ACACB: variants seen among roughly 807,000 people sequenced by gnomAD.
ACACB encodes acetyl-CoA carboxylase 2.
A neutral mutation model predicts 278.8 loss-of-function variants in ACACB; 209 were observed. The observed-to-expected ratio is 0.75, with a 90% CI of 0.67 to 0.84. The LOEUF (loss-of-function observed/expected upper bound fraction) is 0.84, where lower values mean the gene tolerates loss of function less well. ACACB is among the 40% of genes least tolerant of loss of function. ACACB has a pLI of 0.00. For synonymous variants in ACACB, 1,174 were observed against 1,285.6 expected (o/e 0.91, Z 1.86); for missense variants, 2,850 against 3,269.0 (o/e 0.87, Z 3.13).
intron 20 of ACACB, among the ~76,000 whole-genome samples, chr12:109,208,128 T>C (rs1228635956): frequency 6.6e-6 from 1 of 152,136 alleles, no homozygotes; most frequent in Admixed American, 6.6e-5. Context: ...GAGGCAAAGA[T>C]GAGATCTGAA....
In ACACB at chr12:109,262,475, G is replaced by A. The variant is rs189077002; in HGVS notation, c.6787+6G>A. The A allele has an allele frequency of 1.9e-4, 300 of 1,607,990 alleles. 1 individual carries two copies. The East Asian group carries it at 6.0e-3, about 32-fold the overall frequency. The stretch of plus-strand genomic sequence containing the variant: ...GAAGCTCATGGAACAGCTAGGTAAG[G>A]GGGTCCCAAAGGCTTCACCTCTCAG... On this transcript the variant is annotated splice_donor_region_variant and intron_variant, in intron 49 of 52. Coordinates refer to ENST00000338432, the MANE Select transcript of ACACB (RefSeq NM_001093.4).
Position 109,262,391 on chromosome 12 carries a change from A to T in ACACB, c.6709A>T (p.Ile2237Phe). ...GVLEPEGTVE[I>F]KFRKKDLIKS... is the part of the protein sequence containing the mutation. ...TCTGGAACCAGAGGGGACAGTGGAG[A>T]TTAAGTTCCGAAAGAAAGATCTGAT... Residue 2237 changes from isoleucine to phenylalanine, a missense_variant, in exon 49 of 53, where the codon ATT (isoleucine) becomes TTT (phenylalanine). By Grantham distance (21) the Ile-to-Phe change is conservative. Transcript: ENST00000338432. The T allele has an allele frequency of 6.2e-7, 1 of 1,613,434 alleles. No homozygotes were observed. The highest frequency in any genetic ancestry group is 8.5e-7 in the Non-Finnish European group (1 of 1,179,734).
At chr12:109,209,057 T>G in intron 20 of ACACB, 108 bp from the exon 21 acceptor site, 1 of 1,277,170 alleles carries the variant, frequency 7.8e-7, no homozygotes, top group Non-Finnish European at 1.1e-6. Flanking sequence ...TTCAGCCACT[T>G]GAGTGCATGG....
intron 46 of ACACB, among the ~76,000 whole-genome samples, chr12:109,258,675 G>A (rs1235502827): frequency 1.3e-5 from 2 of 152,230 alleles, no homozygotes; most frequent in South Asian, 4.1e-4. Context: ...GAGCTCAGGA[G>A]TCAAGAGGGC....
Position 109,232,775 on chromosome 12 carries a change from G to GTAGC in ACACB, c.4109_4112dup (p.Phe1372SerfsTer13). The GTAGC allele has an allele frequency of 6.2e-7, 1 of 1,614,122 alleles. No homozygotes were observed. The highest frequency in any genetic ancestry group is 8.5e-7 in the Non-Finnish European group (1 of 1,180,034). On this transcript the variant is annotated frameshift_variant, in exon 29 of 53. Transcript: ENST00000338432. LOFTEE classifies it high-confidence loss of function. ...ACTGTGCCAGCGCATGGGAGCCATGGTAGCCTTCAGGAGATTCGAGGACTT... is the reference window on the plus strand; with the variant it reads ...ACTGTGCCAGCGCATGGGAGCCATGGTAGCTAGCCTTCAGGAGATTCGAGGACTT...
At chr12:109,236,795 G>A (rs997978651) in intron 33 of ACACB, among the ~76,000 whole-genome samples, 6 of 151,300 alleles carry the variant, frequency 4.0e-5, no homozygotes, top group African/African-American at 1.5e-4. Flanking sequence ...TCTTTTCGGG[G>A]ACCAATTTCC....
intron 1 of ACACB, among the ~76,000 whole-genome samples, chr12:109,117,518 C>T (rs944261836): frequency 3.9e-5 from 6 of 152,186 alleles, no homozygotes; most frequent in African/African-American, 7.2e-5. Context: ...CACTCAGCAC[C>T]GTGCAAAAGT....
chr12:109,177,830 T>C (rs764270166), intron 9 of ACACB, among the ~76,000 whole-genome samples: 2 of 152,152 alleles, frequency 1.3e-5, no homozygotes, highest in African/African-American at 4.8e-5. Flanking sequence ...ATTTTAAAGC[T>C]TTTTTGCTTT....
chr12:109,208,414 C>T (rs2045585946), intron 20 of ACACB, among the ~76,000 whole-genome samples: 1 of 151,734 alleles, frequency 6.6e-6, no homozygotes, highest in Non-Finnish European at 1.5e-5. Context: ...CGCCATGTTG[C>T]CCAGGCTGGT....
intron 4 of ACACB, among the ~76,000 whole-genome samples, chr12:109,170,921 C>T (rs1445275337): frequency 1.3e-5 from 2 of 151,664 alleles, no homozygotes; most frequent in African/African-American, 2.4e-5. Context: ...ATTGTAGCCT[C>T]GACCTTCTAG....
intron 3 of ACACB, 115 bp downstream of exon 3, chr12:109,167,108 G>C (rs2043935167): frequency 1.4e-6 from 2 of 1,382,818 alleles, no homozygotes; most frequent in South Asian, 2.5e-5. Flanking sequence ...GCAGAGAGGG[G>C]GTGAGGGCCA....
chr12:109,235,761 G>C, intron 33 of ACACB, 114 bp downstream of exon 33: 1 of 934,746 alleles, frequency 1.1e-6, no homozygotes, highest in Non-Finnish European at 1.6e-6. Context: ...ACTTTGGGAG[G>C]CTGAGGCAGG....
chr12:109,262,338 C>G lies in ACACB; in HGVS notation c.6675-19C>G, dbSNP rs1212483435. 14 of 1,603,362 alleles carry G rather than the reference C, an allele frequency of 8.7e-6. No homozygotes were observed. Among genetic ancestry groups the G allele is most frequent in the Non-Finnish European group, 1.2e-5 (14 of 1,171,038 alleles). ...GGCAATGCCTCATATACCCCCATCC[C>G]TGCCTCTTCTCTTTTAAGGGGTGGT... On this transcript the variant is annotated intron_variant, in intron 48 of 52. Coordinates refer to ENST00000338432, the MANE Select transcript of ACACB (RefSeq NM_001093.4).
chr12:109,144,420 G>A (rs762473709), intron 2 of ACACB, among the ~76,000 whole-genome samples: 4 of 152,158 alleles, frequency 2.6e-5, no homozygotes, highest in Non-Finnish European at 5.9e-5. Flanking sequence ...GGTGTTTGCT[G>A]GTTACCCATT....
intron 1 of ACACB, among the ~76,000 whole-genome samples, chr12:109,139,081 C>T (rs1393170947): frequency 1.3e-5 from 2 of 152,322 alleles, no homozygotes; most frequent in East Asian, 3.9e-4. Flanking sequence ...TGTTTTCTGT[C>T]TCTCAAGATT....
At chr12:109,248,414 A>C (rs568983559) in intron 40 of ACACB, among the ~76,000 whole-genome samples, 1 of 152,358 alleles carries the variant, frequency 6.6e-6, no homozygotes, top group East Asian at 1.9e-4. Context: ...GGAGCAAGGA[A>C]GCCAGTAGTG....
chr12:109,213,031 C>T, intron 22 of ACACB, 95 bp downstream of exon 22: 1 of 1,070,056 alleles, frequency 9.3e-7, no homozygotes, highest in Non-Finnish European at 1.4e-6. Flanking sequence ...TCAGGGCAGG[C>T]TTGAACTGAG....
rs141894238 is a variant in ACACB, at chr12:109,265,416, G to A, written c.7141G>A (p.Val2381Ile). Residue 2381 changes from valine to isoleucine, a missense_variant, in exon 52 of 53, where the codon GTT becomes ATT. This residue lies in a region of ACACB where 579 missense variants were observed against 684.6 expected (regional missense o/e 0.85). Coordinates refer to ENST00000338432, the MANE Select transcript of ACACB (RefSeq NM_001093.4). ...KAYLWDNNQVVVQWLEQHWQA... is the reference protein window; with the variant it reads ...KAYLWDNNQVIVQWLEQHWQA... ...CTACTTGTGGGACAACAACCAGGTG[G>A]TTGTGCAGTGGCTGGAACAGCACTG... 16 of 1,613,740 alleles carry A rather than the reference G, an allele frequency of 9.9e-6. No homozygotes were observed. The highest frequency in any genetic ancestry group is 1.2e-5 in the Non-Finnish European group (14 of 1,179,970).
chr12:109,179,313 C>A lies in ACACB; in HGVS notation c.1647+16C>A. On this transcript the variant is annotated intron_variant, in intron 10 of 52. Transcript: ENST00000338432. ...CATGGAGCAGGTACACTTCTCAGAG[C>A]CCAGGGGGCAGCTTCAGAGAGAGCC... is the stretch of plus-strand genomic sequence containing the variant. The A allele has an allele frequency of 6.2e-7, 1 of 1,609,244 alleles. No homozygotes were observed. Among genetic ancestry groups the A allele is most frequent in the Non-Finnish European group, 8.5e-7 (1 of 1,178,156 alleles).
Sources: allele counts gnomAD v4.1 joint callset (sites outside exome capture counted in the v4.1 genomes callset), GRCh38; gene constraint gnomAD v4.1.1; regional missense constraint gnomAD v4.1.1; transcripts MANE v1.5; gene names NCBI Gene and HGNC (gene_info 2026-07-23, HGNC 2026-07-21).